The following VEGFC variants were observed in gnomAD, a reference collection of about 807,000 sequenced individuals.
VEGFC encodes the protein FLT4 ligand DHM.
A neutral mutation model predicts 46.1 loss-of-function variants in VEGFC; 12 were observed. The observed-to-expected ratio is 0.26, with a 90% CI of 0.17 to 0.42. The LOEUF (loss-of-function observed/expected upper bound fraction) is 0.42. Among genes scored for constraint, VEGFC ranks in the 10% least tolerant of loss-of-function variants. The probability of loss-of-function intolerance (pLI) is 1.00; values close to 1 mark genes in which losing one functional copy is unlikely to be tolerated. For synonymous variants in VEGFC, 232 were observed against 195.5 expected, an observed-to-expected ratio of 1.19 and a Z score of -1.56; for missense variants, 488 against 529.4, an observed-to-expected ratio of 0.92 and a Z score of 0.77.
chr4:176,727,712 C>T, intron 3 of VEGFC, 66 bp downstream of exon 3: 1 of 1,492,774 alleles, frequency 6.7e-7, no homozygotes, highest in South Asian at 1.4e-5. Flanking sequence ...TTAAACACAT[C>T]ATCCCCAAAG....
intron 4 of VEGFC, among the ~76,000 whole-genome samples, chr4:176,692,360 C>T (rs187018807): frequency 7.4e-6 from 1 of 134,526 alleles, no homozygotes; most frequent in Non-Finnish European, 1.5e-5. Context: ...CGCCACTGCA[C>T]TCCAGCCTGG....
At chr4:176,719,918 G>C (rs1301440276) in intron 3 of VEGFC, among the ~76,000 whole-genome samples, 3 of 152,058 alleles carry the variant, frequency 2.0e-5, no homozygotes, top group Non-Finnish European at 2.9e-5. Context: ...AATCAGCTGG[G>C]CGTGGTGGTG....
intron 3 of VEGFC, among the ~76,000 whole-genome samples, chr4:176,719,609 C>T (rs964514963): frequency 2.6e-5 from 4 of 152,164 alleles, no homozygotes; most frequent in African/African-American, 9.7e-5. Flanking sequence ...CTTTTAATTA[C>T]TTGATAAATG....
At chr4:176,759,643 C>T (rs1025881156) in intron 1 of VEGFC, among the ~76,000 whole-genome samples, 2 of 152,074 alleles carry the variant, frequency 1.3e-5, no homozygotes, top group Admixed American at 6.6e-5. Flanking sequence ...ATGTGCTAAT[C>T]AGTTTGATTT....
At chr4:176,707,622 T>C (rs1445384489) in intron 4 of VEGFC, among the ~76,000 whole-genome samples, 1 of 152,162 alleles carries the variant, frequency 6.6e-6, no homozygotes, top group African/African-American at 2.4e-5. Context: ...TGGATGGGGC[T>C]AAAATCTTAA....
chr4:176,712,617 T>C (rs940381790), intron 3 of VEGFC, among the ~76,000 whole-genome samples: 2 of 152,172 alleles, frequency 1.3e-5, no homozygotes, highest in Non-Finnish European at 2.9e-5. Flanking sequence ...CTTGGTGTCT[T>C]CATGACAATC....
intron 1 of VEGFC, among the ~76,000 whole-genome samples, chr4:176,784,644 T>G (rs1370222788): frequency 6.7e-6 from 1 of 148,968 alleles, no homozygotes; most frequent in East Asian, 2.0e-4. Context: ...TTCCAGCTAC[T>G]CAGGAGGCTG....
chr4:176,787,383 C>T lies in VEGFC; in HGVS notation c.147+4782G>A, dbSNP rs141149029. ...GAGGCACGAGAATCGCTTGAACCCA[C>T]GAGGCAGAGGTTGCAGTGAGCCAAC... On this transcript the variant is annotated intron_variant, in intron 1 of 6. Coordinates refer to ENST00000618562, the MANE Select transcript of VEGFC (RefSeq NM_005429.5). Among the ~76,000 whole-genome samples, 773 of 146,148 alleles carry T rather than the reference C, an allele frequency of 5.3e-3. 12 individuals are homozygous for T. The highest frequency in any genetic ancestry group is 0.017 in the East Asian group (83 of 4,974).
At chr4:176,694,284 G>T (rs934701679) in intron 4 of VEGFC, among the ~76,000 whole-genome samples, 2 of 151,450 alleles carry the variant, frequency 1.3e-5, no homozygotes, top group African/African-American at 2.4e-5. Flanking sequence ...GATGGAGGAA[G>T]ATCTACCAAG....
intron 3 of VEGFC, among the ~76,000 whole-genome samples, chr4:176,725,054 C>G (rs1380222406): frequency 6.6e-6 from 1 of 152,018 alleles, no homozygotes; most frequent in Non-Finnish European, 1.5e-5. Flanking sequence ...TTTTAAAAAG[C>G]TGCAAGAGAA....
At chr4:176,772,274 T>G (rs1735736973) in intron 1 of VEGFC, among the ~76,000 whole-genome samples, 1 of 152,228 alleles carries the variant, frequency 6.6e-6, no homozygotes, top group Admixed American at 6.5e-5. Context: ...CCTTCAAGTT[T>G]TTCCTTTCTC....
rs139874404 is a variant in VEGFC at position 176,753,959 on chromosome 4, C to T, written c.148-24213G>A. Among the ~76,000 whole-genome samples the T allele has an allele frequency of 3.3e-3, 505 of 152,164 alleles. 5 individuals carry two copies. Among genetic ancestry groups the T allele is most frequent in the Admixed American group, 7.7e-3 (118 of 15,260 alleles). Reference sequence around the variant, plus strand: ...TATGTTGCAGACTACAACGTCCTTTCGCCTAGGTTATTCAAATTAATACTT... The same window carrying T: ...TATGTTGCAGACTACAACGTCCTTTTGCCTAGGTTATTCAAATTAATACTT... On this transcript the variant is annotated intron_variant, in intron 1 of 6. Transcript: ENST00000618562.
intron 1 of VEGFC, among the ~76,000 whole-genome samples, chr4:176,741,286 T>C (rs1225049184): frequency 2.0e-5 from 3 of 151,972 alleles, no homozygotes; most frequent in Non-Finnish European, 4.4e-5. Context: ...GCTGATTTAA[T>C]TGTTGGAATA....
At chr4:176,770,979 T>TACACACACACACACAC (rs148140472) in intron 1 of VEGFC, among the ~76,000 whole-genome samples, 155 of 148,518 alleles carry the variant, frequency 1.0e-3, no homozygotes, top group African/African-American at 3.7e-3. Context: ...AAGTAACTGA[T>TACACACACACACACAC]ACACACACAC....
intron 2 of VEGFC, 129 bp downstream of exon 2, chr4:176,729,404 T>C (rs532820222): frequency 1.4e-6 from 1 of 712,528 alleles, no homozygotes; most frequent in South Asian, 2.3e-5. Flanking sequence ...AGTAATTCTT[T>C]ATTTTCTATT....
intron 4 of VEGFC, among the ~76,000 whole-genome samples, chr4:176,693,025 G>GA (rs923892422): frequency 5.9e-5 from 9 of 151,738 alleles, no homozygotes; most frequent in Non-Finnish European, 1.3e-4. Flanking sequence ...CAAAGATGGG[G>GA]AAAAAACAGA....
At chr4:176,773,611 C>A (rs1735758690) in intron 1 of VEGFC, among the ~76,000 whole-genome samples, 1 of 151,988 alleles carries the variant, frequency 6.6e-6, no homozygotes, top group African/African-American at 2.4e-5. Context: ...AAAGTGAAGG[C>A]AAATAGTAGA....
chr4:176,744,581 GGCATCTC>G (rs1735230351), intron 1 of VEGFC, among the ~76,000 whole-genome samples: 1 of 151,890 alleles, frequency 6.6e-6, no homozygotes, highest in Non-Finnish European at 1.5e-5. Flanking sequence ...AGGAGATTTT[GGCATCTC>G]CATCCCAATA....
intron 3 of VEGFC, among the ~76,000 whole-genome samples, chr4:176,724,866 G>T (rs910029650): frequency 6.6e-6 from 1 of 152,072 alleles, no homozygotes; most frequent in African/African-American, 2.4e-5. Context: ...CTAAACGAGT[G>T]GATCTCATGG....
Sources: gnomAD v4.1 joint callset for allele counts (sites outside exome capture counted in the v4.1 genomes callset) on GRCh38, gnomAD v4.1.1 for gene constraint, MANE v1.5 for transcripts, NCBI Gene and HGNC (gene_info 2026-07-23, HGNC 2026-07-21) for gene names.